FAM110B: variants seen among roughly 807,000 people sequenced by gnomAD.
FAM110B encodes family with sequence similarity 110 member B.
In FAM110B, 6 loss-of-function variants were observed where a neutral mutation model predicts 20.4. The observed-to-expected ratio is 0.29, with a 90% CI of 0.16 to 0.58. The LOEUF is 0.58. FAM110B is among the 20% of genes least tolerant of loss of function. The probability of loss-of-function intolerance (pLI) is 0.90; values close to 1 mark genes in which losing one functional copy is unlikely to be tolerated. For missense variants in FAM110B, 434 were observed against 498.2 expected (o/e 0.87, Z 1.23); for synonymous variants, 226 against 214.1 (o/e 1.06, Z -0.49).
In FAM110B at chr8:58,147,167, A is replaced by C; in HGVS notation, c.937A>C (p.Met313Leu). Residue 313 changes from methionine (M) to leucine (L), a missense_variant, in exon 4 of 4, where the codon ATG becomes CTG. Met to Leu is a conservative substitution (Grantham distance 15). Coordinates refer to ENST00000519262, the MANE Select transcript of FAM110B (RefSeq NM_001377989.1). ...ATCCCTCAACTTCCGCAGCGCAAGC[A>C]TGATCAGCTCAGACTGTGAACAGTC... ...IISLNFRSAS[M>L]ISSDCEQSQD... The C allele has an allele frequency of 3.7e-6, 6 of 1,614,206 alleles. No homozygotes were observed. The highest frequency in any genetic ancestry group is 5.1e-6 in the Non-Finnish European group (6 of 1,180,042).
At chr8:58,088,888 AT>A (rs1806402393) in intron 3 of FAM110B, among the ~76,000 whole-genome samples, 1 of 152,148 alleles carries the variant, frequency 6.6e-6, no homozygotes, top group South Asian at 2.1e-4. Context: ...AATCTGTGAC[AT>A]TTTTCCTTGT....
At chr8:58,034,825 T>G (rs924296512) in intron 2 of FAM110B, among the ~76,000 whole-genome samples, 14 of 152,186 alleles carry the variant, frequency 9.2e-5, no homozygotes, top group Admixed American at 5.2e-4. Flanking sequence ...GCATACTCTG[T>G]AACTGAGAGC....
In FAM110B at chr8:58,104,097, T is replaced by A. The variant is rs550157239; in HGVS notation, c.-325+28474T>A. 2.6e-5 allele frequency among the ~76,000 whole-genome samples: 4 copies of A among 152,370 alleles called. No individual in the cohort carries two copies. The South Asian group carries it at 8.3e-4, about 32-fold the overall frequency. ...TCTCTGCATACCCATATTTCATGCTTTGATTTTTCTGCAACTCTAGTCTTT... is the reference window on the plus strand; with the variant it reads ...TCTCTGCATACCCATATTTCATGCTATGATTTTTCTGCAACTCTAGTCTTT... On this transcript the variant is annotated intron_variant, in intron 3 of 3. Coordinates refer to ENST00000519262, the MANE Select transcript of FAM110B (RefSeq NM_001377989.1).
intron 3 of FAM110B, among the ~76,000 whole-genome samples, chr8:58,099,788 G>A (rs1369751791): frequency 6.6e-6 from 1 of 152,058 alleles, no homozygotes; most frequent in East Asian, 1.9e-4. Context: ...TTTTATTACA[G>A]TATTTCTTAA....
intron 3 of FAM110B, among the ~76,000 whole-genome samples, chr8:58,136,524 A>G (rs1041355767): frequency 2.0e-5 from 3 of 152,146 alleles, no homozygotes; most frequent in Non-Finnish European, 2.9e-5. Flanking sequence ...TTCTTATTGT[A>G]TTTGCGTAAA....
chr8:58,119,351 G>A (rs752434768), intron 3 of FAM110B, among the ~76,000 whole-genome samples: 1 of 152,224 alleles, frequency 6.6e-6, no homozygotes, highest in Non-Finnish European at 1.5e-5. Flanking sequence ...CACAGATGGT[G>A]ACTTCTTGCT....
At chr8:58,105,395 T>C (rs991112828) in intron 3 of FAM110B, among the ~76,000 whole-genome samples, 1 of 151,976 alleles carries the variant, frequency 6.6e-6, no homozygotes, top group Admixed American at 6.6e-5. Flanking sequence ...TTTAAAAGGA[T>C]AGTTGAAGTC....
chr8:58,112,987 T>C (rs1807101016), intron 3 of FAM110B, among the ~76,000 whole-genome samples: 1 of 152,166 alleles, frequency 6.6e-6, no homozygotes, highest in Non-Finnish European at 1.5e-5. Flanking sequence ...GAAGCCCCAC[T>C]TCTGGGCTCA....
At chr8:58,126,530 T>TA (rs1349237865) in intron 3 of FAM110B, among the ~76,000 whole-genome samples, 1 of 152,230 alleles carries the variant, frequency 6.6e-6, no homozygotes, top group Non-Finnish European at 1.5e-5. Flanking sequence ...CATATAGTGA[T>TA]AGAGTTTCTC....
At chr8:58,097,433 A>G (rs761613225) in intron 3 of FAM110B, among the ~76,000 whole-genome samples, 1 of 152,210 alleles carries the variant, frequency 6.6e-6, no homozygotes, top group Non-Finnish European at 1.5e-5. Context: ...TATTTTAGTT[A>G]TCAATTCAGC....
At chr8:58,099,879 A>G (rs1301575421) in intron 3 of FAM110B, among the ~76,000 whole-genome samples, 1 of 152,072 alleles carries the variant, frequency 6.6e-6, no homozygotes, top group African/African-American at 2.4e-5. Context: ...GCTTGATTTC[A>G]TTTTAAAGAT....
At chr8:58,016,814 G>C (rs529523124) in intron 1 of FAM110B, among the ~76,000 whole-genome samples, 85 of 152,136 alleles carry the variant, frequency 5.6e-4, no homozygotes, top group Non-Finnish European at 1.1e-3. Flanking sequence ...AATGAGGGAG[G>C]GAGTGTGTCC....
chr8:58,077,732 A>T (rs2150594672), intron 3 of FAM110B, among the ~76,000 whole-genome samples: 1 of 152,288 alleles, frequency 6.6e-6, no homozygotes, highest in Middle Eastern at 3.4e-3. Context: ...CCATCCAGAG[A>T]AGACAGTGAG....
chr8:58,124,499 C>T (rs1466570555), intron 3 of FAM110B, among the ~76,000 whole-genome samples: 1 of 152,220 alleles, frequency 6.6e-6, no homozygotes, highest in Non-Finnish European at 1.5e-5. Context: ...TTGAGCTTTT[C>T]ATTATCCTTG....
intron 1 of FAM110B, among the ~76,000 whole-genome samples, chr8:58,017,413 ATT>A (rs1804661474): frequency 2.0e-5 from 3 of 152,176 alleles, no homozygotes; most frequent in Admixed American, 1.3e-4. Flanking sequence ...GGAGGCACAT[ATT>A]TTATATAAAG....
At chr8:58,094,460 G>C (rs922949949) in intron 3 of FAM110B, among the ~76,000 whole-genome samples, 3 of 152,142 alleles carry the variant, frequency 2.0e-5, no homozygotes, top group African/African-American at 7.2e-5. Flanking sequence ...TAGCATGAAG[G>C]GGTATTGAAT....
chr8:58,088,617 T>C lies in FAM110B; in HGVS notation c.-325+12994T>C, dbSNP rs561423130. ...TAGAAAGTTCTATGATTTCAGTTGA[T>C]GGCACACACTAGAATTTGTGTAGAA... On this transcript the variant is annotated intron_variant, in intron 3 of 3. Coordinates refer to ENST00000519262, the MANE Select transcript of FAM110B (RefSeq NM_001377989.1). 2.4e-4 allele frequency among the ~76,000 whole-genome samples: 36 copies of C among 152,320 alleles called. No individual in the cohort carries two copies. The South Asian group carries it at 7.3e-3, about 31-fold the overall frequency.
chr8:58,103,909 A>G (rs1425995335), intron 3 of FAM110B, among the ~76,000 whole-genome samples: 2 of 152,238 alleles, frequency 1.3e-5, no homozygotes, highest in Non-Finnish European at 2.9e-5. Flanking sequence ...TTGCCCAGCT[A>G]GAGCACAGTC....
At chr8:58,084,772 G>A (rs1563364208) in intron 3 of FAM110B, among the ~76,000 whole-genome samples, 1 of 151,984 alleles carries the variant, frequency 6.6e-6, no homozygotes, top group East Asian at 1.9e-4. Context: ...GATAGAATGG[G>A]TTGTGAAGCT....
Sources: gnomAD v4.1 joint callset for allele counts (sites outside exome capture counted in the v4.1 genomes callset) on GRCh38, gnomAD v4.1.1 for gene constraint, MANE v1.5 for transcripts, NCBI Gene and HGNC (gene_info 2026-07-23, HGNC 2026-07-21) for gene names.